MAST4: variants seen among roughly 807,000 people sequenced by gnomAD.
MAST4 encodes the protein microtubule-associated serine/threonine-protein kinase 4.
MAST4 carries 89 observed loss-of-function variants against 162.7 expected under a neutral mutation model. That is an observed-to-expected ratio of 0.55 (90% confidence interval 0.46 to 0.65). MAST4 has a LOEUF of 0.65. MAST4 is among the 30% of genes least tolerant of loss of function. The probability of loss-of-function intolerance (pLI) is 0.00; values close to 1 mark genes in which losing one functional copy is unlikely to be tolerated. For synonymous variants in MAST4, 1,479 were observed against 1,361.1 expected, an observed-to-expected ratio of 1.09 and a Z score of -1.91; for missense variants, 3,153 against 3,374.0, an observed-to-expected ratio of 0.93 and a Z score of 1.62.
At chr5:67,013,416 G>C (rs1310216301) in intron 4 of MAST4, among the ~76,000 whole-genome samples, 1 of 152,088 alleles carries the variant, frequency 6.6e-6, no homozygotes, top group Non-Finnish European at 1.5e-5. Flanking sequence ...AATTAGAAGG[G>C]GAAGAAAGCT....
At chr5:66,787,914 T>C (rs1755190046) in intron 2 of MAST4, among the ~76,000 whole-genome samples, 1 of 152,260 alleles carries the variant, frequency 6.6e-6, no homozygotes, top group Non-Finnish European at 1.5e-5. Flanking sequence ...TGAATATTCA[T>C]GTCCATCCTA....
rs36071165 is a variant in MAST4, at chr5:66,883,422, G to GTT, written c.643-16505_643-16504dup. Among the ~76,000 whole-genome samples the GTT allele has an allele frequency of 6.8e-3, 663 of 97,208 alleles. 11 individuals carry two copies. The highest frequency in any genetic ancestry group is 0.025 in the African/African-American group (622 of 24,728). 63.8% of individuals were successfully genotyped at this position (97,208 alleles called of 152,430 possible). ...GGCACAGTTGTGTTGTTCTGTCACTGTTTTTTTTTTTTTTTTTTTTTTTTT... is the reference window on the plus strand; with the variant it reads ...GGCACAGTTGTGTTGTTCTGTCACTGTTTTTTTTTTTTTTTTTTTTTTTTTTT... On this transcript the variant is annotated intron_variant, in intron 3 of 28. Transcript: ENST00000403625.
chr5:66,776,271 G>C (rs1327932074), intron 2 of MAST4, among the ~76,000 whole-genome samples: 1 of 152,188 alleles, frequency 6.6e-6, no homozygotes, highest in Non-Finnish European at 1.5e-5. Flanking sequence ...ATGGTTGTCA[G>C]AAATGTTTTG....
intron 2 of MAST4, among the ~76,000 whole-genome samples, chr5:66,766,863 CA>C (rs1351843516): frequency 6.6e-6 from 1 of 152,150 alleles, no homozygotes; most frequent in Non-Finnish European, 1.5e-5. Context: ...CTATGACAAG[CA>C]AACCAGAAAA....
chr5:67,139,746 C>T (rs994306632), intron 19 of MAST4, among the ~76,000 whole-genome samples: 5 of 152,168 alleles, frequency 3.3e-5, no homozygotes, highest in African/African-American at 7.2e-5. Context: ...TTTTAGCTCA[C>T]GATGCTATCA....
chr5:66,665,284 C>G (rs6895638), intron 1 of MAST4, among the ~76,000 whole-genome samples: 2,942 of 152,186 alleles, frequency 0.019, 93 homozygotes, highest in African/African-American at 0.066. Flanking sequence ...GGAGGGAGAC[C>G]AGTGGAACAA....
At position 67,163,718 on chromosome 5, in the gene MAST4, A is replaced by G. The variant is rs1773508476; in HGVS notation, c.4539A>G (p.Pro1513=). 6.2e-7 allele frequency: 1 copy of G among 1,608,756 alleles called. No homozygotes were observed. Among genetic ancestry groups the G allele is most frequent in the Middle Eastern group, 1.7e-4 (1 of 6,056 alleles). ...TGGAGCAAGGCTGCCTGAAACGCCCAGTCTCCCGGAAGGTGGGCCGCCAGG... is the reference window on the plus strand; with the variant it reads ...TGGAGCAAGGCTGCCTGAAACGCCCGGTCTCCCGGAAGGTGGGCCGCCAGG... The part of the protein sequence containing the change: ...RPVEQGCLKR[P]VSRKVGRQES... Residue 1513 remains proline (P), a synonymous_variant, in exon 29 of 29, where the codon CCA becomes CCG. Transcript: ENST00000403625. The surrounding 1 kb of genome is among the most constrained non-coding windows in gnomAD (Gnocchi z 7.0).
chr5:66,759,487 A>G (rs975698226), intron 1 of MAST4, among the ~76,000 whole-genome samples: 2 of 152,240 alleles, frequency 1.3e-5, no homozygotes, highest in Non-Finnish European at 2.9e-5. Context: ...CCACAGTTTG[A>G]AAATCACTGC....
intron 1 of MAST4, among the ~76,000 whole-genome samples, chr5:66,696,182 C>T (rs1291841255): frequency 6.6e-6 from 1 of 151,988 alleles, no homozygotes. Flanking sequence ...AGGGGAAAAA[C>T]ACACACTGGG....
intron 4 of MAST4, among the ~76,000 whole-genome samples, chr5:67,020,630 C>T (rs1753855677): frequency 1.3e-5 from 2 of 152,164 alleles, no homozygotes; most frequent in African/African-American, 2.4e-5. Context: ...CTAAGAGGCC[C>T]TTCTCATGTA....
chr5:67,166,885 A>G lies in MAST4; in HGVS notation c.7706A>G (p.Gln2569Arg). The G allele has an allele frequency of 1.9e-6, 3 of 1,609,940 alleles. No individual in the cohort carries two copies. Among genetic ancestry groups the G allele is most frequent in the Non-Finnish European group, 2.5e-6 (3 of 1,178,474 alleles). ...ETKGKDPAPA[Q>R]PPPARKQNVG... ...AAAGGGAAGGACCCTGCCCCAGCCC[A>G]GCCTCCCCCAGCTAGGAAACAGAAC... The change falls in exon 29 of 29, where the codon CAG (glutamine) becomes CGG (arginine). Residue 2569 changes from glutamine to arginine, a missense_variant. This residue lies in a region of MAST4 where 1,644 missense variants were observed against 1,495.0 expected (regional missense o/e 1.10). Transcript: ENST00000403625.
At chr5:66,906,256 C>CCT (rs1215607429) in intron 4 of MAST4, among the ~76,000 whole-genome samples, 1 of 152,082 alleles carries the variant, frequency 6.6e-6, no homozygotes, top group Non-Finnish European at 1.5e-5. Flanking sequence ...CATGTCTGAC[C>CCT]CTCTCTTCTT....
intron 1 of MAST4, among the ~76,000 whole-genome samples, chr5:66,657,999 G>C (rs1028579087): frequency 6.6e-6 from 1 of 152,200 alleles, no homozygotes; most frequent in Admixed American, 6.5e-5. Context: ...TACAAGTTTA[G>C]TGTACGCATG....
intron 4 of MAST4, among the ~76,000 whole-genome samples, chr5:66,963,033 A>G (rs1289220352): frequency 1.3e-5 from 2 of 148,172 alleles, no homozygotes; most frequent in African/African-American, 4.9e-5. Context: ...ATTGGCTGGA[A>G]TAATCATGGT....
At chr5:66,685,806 TAGAGCAGTGGTCCCC>T (rs1364605945) in intron 1 of MAST4, among the ~76,000 whole-genome samples, 1 of 152,154 alleles carries the variant, frequency 6.6e-6, no homozygotes, top group African/African-American at 2.4e-5. Context: ...ATGTGCACTT[TAGAGCAGTGGTCCCC>T]AGTCTTTTTG....
chr5:67,156,272 C>G (rs908514116), intron 26 of MAST4, among the ~76,000 whole-genome samples: 1 of 152,136 alleles, frequency 6.6e-6, no homozygotes, highest in Non-Finnish European at 1.5e-5. Flanking sequence ...CTAAGCTTAT[C>G]TGCTGGAAAG....
At chr5:67,158,481 G>A (rs1430188743) in intron 26 of MAST4, among the ~76,000 whole-genome samples, 1 of 152,012 alleles carries the variant, frequency 6.6e-6, no homozygotes, top group Non-Finnish European at 1.5e-5. Context: ...TGAGGCAGGA[G>A]GATTGCTTGA....
intron 10 of MAST4, among the ~76,000 whole-genome samples, chr5:67,109,863 A>G (rs757887611): frequency 6.6e-6 from 1 of 152,194 alleles, no homozygotes; most frequent in African/African-American, 2.4e-5. Context: ...AGCACAGATA[A>G]TATATCAGAA....
intron 5 of MAST4, 31 bp from the exon 6 acceptor site, chr5:67,090,131 T>C (rs747577198): frequency 1.4e-6 from 2 of 1,420,338 alleles, no homozygotes; most frequent in Admixed American, 1.7e-5. Flanking sequence ...CAAAATCATG[T>C]AGTAAATTTC....
Sources: gnomAD v4.1 joint callset for allele counts (sites outside exome capture counted in the v4.1 genomes callset) on GRCh38, gnomAD v4.1.1 for gene constraint, gnomAD v4.1.1 regional missense constraint, Gnocchi (gnomAD v3.1) non-coding constraint, MANE v1.5 for transcripts, NCBI Gene and HGNC (gene_info 2026-07-23, HGNC 2026-07-21) for gene names.